Variants in SNTG1 observed in about 807,000 individuals in gnomAD.
SNTG1 encodes syntrophin gamma 1, also known as gamma-1-syntrophin.
Under a neutral mutation model 74.7 loss-of-function variants are expected in SNTG1, and 39 were observed. The observed-to-expected ratio is 0.52, with a 90% CI of 0.40 to 0.68. The LOEUF is 0.68. Among genes scored for constraint, SNTG1 ranks in the 30% least tolerant of loss-of-function variants. The pLI is 0.00. For synonymous variants in SNTG1, 254 were observed against 217.1 expected (o/e 1.17, Z -1.49); for missense variants, 685 against 609.5 (o/e 1.12, Z -1.30).
At chr8:50,096,073 A>G (rs747360181) in intron 1 of SNTG1, among the ~76,000 whole-genome samples, 27 of 152,158 alleles carry the variant, frequency 1.8e-4, no homozygotes, top group Non-Finnish European at 1.6e-4. Flanking sequence ...GCACTGTAAT[A>G]TATTTTACCA....
intron 17 of SNTG1, among the ~76,000 whole-genome samples, chr8:50,734,788 TATATATGGACATATATATAG>T (rs2095522282): frequency 9.2e-6 from 1 of 108,508 alleles, no homozygotes; most frequent in South Asian, 3.1e-4. Flanking sequence ...TAGATATCTA[TATATATGGACATATATATAG>T]ATATCTATAT....
chr8:50,714,095 C>A (rs1221822910), intron 17 of SNTG1, among the ~76,000 whole-genome samples: 1 of 149,796 alleles, frequency 6.7e-6, no homozygotes, highest in Admixed American at 6.7e-5. Context: ...GGAGGGAATC[C>A]TTTTCTTATT....
At chr8:49,921,416 A>C (rs1249095484) in intron 1 of SNTG1, among the ~76,000 whole-genome samples, 1 of 152,004 alleles carries the variant, frequency 6.6e-6, no homozygotes, top group Non-Finnish European at 1.5e-5. Flanking sequence ...TTTCTGAAAA[A>C]CGATTAACAT....
At chr8:50,133,250 C>T (rs529618637) in intron 1 of SNTG1, among the ~76,000 whole-genome samples, 7 of 152,304 alleles carry the variant, frequency 4.6e-5, no homozygotes, top group African/African-American at 1.7e-4. Flanking sequence ...GCCTTTCCTT[C>T]CTTTCCTCCA....
At chr8:50,772,162 A>T (rs549833277) in intron 18 of SNTG1, among the ~76,000 whole-genome samples, 79 of 152,094 alleles carry the variant, frequency 5.2e-4, no homozygotes, top group Non-Finnish European at 9.4e-4. Context: ...CACCAACACC[A>T]TGTAATGCCC....
chr8:50,762,743 T>C, intron 18 of SNTG1: 1 of 483,662 alleles, frequency 2.1e-6, no homozygotes, highest in Non-Finnish European at 4.2e-6. Flanking sequence ...TTCCATGATG[T>C]GGCACTGGAC....
At chr8:50,391,777 CT>C (rs2092665092) in intron 2 of SNTG1, among the ~76,000 whole-genome samples, 1 of 152,104 alleles carries the variant, frequency 6.6e-6, no homozygotes, top group Admixed American at 6.5e-5. Flanking sequence ...AGAGACTCAA[CT>C]TCTTTCTGGT....
chr8:50,418,423 T>C (rs2093040226), intron 4 of SNTG1, among the ~76,000 whole-genome samples: 1 of 152,098 alleles, frequency 6.6e-6, no homozygotes, highest in Non-Finnish European at 1.5e-5. Flanking sequence ...CACTGCTGAG[T>C]CTTTTCTTCA....
chr8:50,750,486 G>A (rs925188739), intron 17 of SNTG1, among the ~76,000 whole-genome samples: 6 of 152,024 alleles, frequency 3.9e-5, no homozygotes, highest in South Asian at 2.1e-4. Context: ...AATGCTATTC[G>A]GCTATATTGC....
At chr8:50,242,859 TTTTA>T (rs1217410023) in intron 2 of SNTG1, among the ~76,000 whole-genome samples, 2 of 151,626 alleles carry the variant, frequency 1.3e-5, no homozygotes, top group Admixed American at 6.6e-5. Context: ...ATATACTACC[TTTTA>T]TTTATTTATG....
At chr8:50,668,664 C>A (rs2095262699) in intron 15 of SNTG1, among the ~76,000 whole-genome samples, 1 of 151,736 alleles carries the variant, frequency 6.6e-6, no homozygotes, top group South Asian at 2.1e-4. Flanking sequence ...CTTAAACCCT[C>A]AACAGGCCCT....
chr8:50,159,742 G>C (rs1048143125), intron 1 of SNTG1, among the ~76,000 whole-genome samples: 3 of 152,136 alleles, frequency 2.0e-5, no homozygotes, highest in Admixed American at 6.5e-5. Context: ...TTCAGTACCT[G>C]AGCCTAGTGT....
chr8:50,004,431 A>C (rs1585853819), intron 1 of SNTG1, among the ~76,000 whole-genome samples: 2 of 152,182 alleles, frequency 1.3e-5, no homozygotes, highest in East Asian at 3.9e-4. Flanking sequence ...AGTTGCTGGG[A>C]ATTAAATATT....
At chr8:50,690,509 A>C (rs942570633) in intron 15 of SNTG1, among the ~76,000 whole-genome samples, 3 of 152,098 alleles carry the variant, frequency 2.0e-5, no homozygotes, top group Non-Finnish European at 2.9e-5. Context: ...TTATTTACCC[A>C]GTAGTCATTC....
At chr8:50,734,267 C>A (rs955572413) in intron 17 of SNTG1, among the ~76,000 whole-genome samples, 1 of 151,638 alleles carries the variant, frequency 6.6e-6, no homozygotes, top group Admixed American at 6.6e-5. Flanking sequence ...TATTGCTTCT[C>A]GGCCTTTTGG....
chr8:50,238,947 A>T (rs1239477824), intron 2 of SNTG1, among the ~76,000 whole-genome samples: 1 of 152,220 alleles, frequency 6.6e-6, no homozygotes, highest in African/African-American at 2.4e-5. Context: ...ATGAGATACC[A>T]TCTCACACCA....
intron 1 of SNTG1, among the ~76,000 whole-genome samples, chr8:50,092,275 A>C (rs1289608986): frequency 2.0e-5 from 3 of 152,154 alleles, no homozygotes; most frequent in Non-Finnish European, 4.4e-5. Flanking sequence ...GGTCATTGCT[A>C]TCAGTGGACA....
At chr8:50,003,815 C>T (rs1028868451) in intron 1 of SNTG1, among the ~76,000 whole-genome samples, 1 of 152,158 alleles carries the variant, frequency 6.6e-6, no homozygotes, top group Non-Finnish European at 1.5e-5. Context: ...AAACTGTTTG[C>T]TCACTTGGCA....
intron 1 of SNTG1, among the ~76,000 whole-genome samples, chr8:50,111,677 A>C (rs1477212482): frequency 6.6e-6 from 1 of 152,156 alleles, no homozygotes; most frequent in African/African-American, 2.4e-5. Flanking sequence ...GAAAATGATT[A>C]CTACAAGTGG....
Sources: gnomAD v4.1 joint callset for allele counts (sites outside exome capture counted in the v4.1 genomes callset) on GRCh38, gnomAD v4.1.1 for gene constraint, MANE v1.5 for transcripts, NCBI Gene and HGNC (gene_info 2026-07-23, HGNC 2026-07-21) for gene names.